The following GON4L variants were observed in gnomAD, a reference collection of about 807,000 sequenced individuals.
The protein encoded by GON4L is GON-4-like protein.
A neutral mutation model predicts 211.8 loss-of-function variants in GON4L; 87 were observed. The observed-to-expected ratio is 0.41, with a 90% CI of 0.35 to 0.49. GON4L has a LOEUF of 0.49. Among genes scored for constraint, GON4L ranks in the 20% least tolerant of loss-of-function variants. The pLI, the probability that GON4L is intolerant of heterozygous loss-of-function variation, is 0.15. For missense variants in GON4L, 2,155 were observed against 2,659.5 expected (o/e 0.81, Z 4.17); for synonymous variants, 875 against 962.6 (o/e 0.91, Z 1.68).
chr1:155,748,583 G>C, downstream of GON4L: 1 of 1,613,178 alleles, frequency 6.2e-7, no homozygotes, highest in South Asian at 1.1e-5. Context: ...GTCCTATAAC[G>C]TGTTCTCTTC....
chr1:155,807,730 A>AG (rs1395575383), intron 10 of GON4L, among the ~76,000 whole-genome samples: 51 of 143,896 alleles, frequency 3.5e-4, no homozygotes, highest in African/African-American at 1.2e-3. Context: ...AAAAAAGAAA[A>AG]TCAGAAAGTG....
intron 4 of GON4L, 144 bp downstream of exon 4, chr1:155,822,142 T>C: frequency 2.7e-6 from 2 of 735,558 alleles, no homozygotes; most frequent in Non-Finnish European, 4.9e-6. Flanking sequence ...ATCTTAAATA[T>C]GTAAAAATGT....
chr1:155,766,506 G>T lies in GON4L; in HGVS notation c.2967C>A (p.Pro989=). The change falls in exon 21 of 32, where the codon CCC becomes CCA. Residue 989 remains proline, a synonymous_variant. Coordinates refer to ENST00000368331, the MANE Select transcript of GON4L (RefSeq NM_001282860.2). ...AACGCTTCTGTCTCCAAGCCTTCCTGGGGAAACGGGTGGCAACTGGCTTCA... is the reference window on the plus strand; with the variant it reads ...AACGCTTCTGTCTCCAAGCCTTCCTTGGGAAACGGGTGGCAACTGGCTTCA... The part of the protein sequence containing the change: ...LKLKPVATRF[P]RKAWRQKRSS... 6.2e-7 allele frequency: 1 copy of T among 1,614,104 alleles called. No homozygotes were observed.
At chr1:155,840,544 A>G (rs1429801972) in intron 2 of GON4L, among the ~76,000 whole-genome samples, 6 of 152,158 alleles carry the variant, frequency 3.9e-5, no homozygotes, top group Non-Finnish European at 8.8e-5. Flanking sequence ...TGTGGACTCC[A>G]GCATTACCAC....
intron 2 of GON4L, among the ~76,000 whole-genome samples, chr1:155,827,874 T>G (rs74188952): frequency 6.6e-6 from 1 of 152,030 alleles, no homozygotes; most frequent in Non-Finnish European, 1.5e-5. Context: ...CTAGGCCAGG[T>G]GGCTCACACC....
Position 155,776,519 on chromosome 1 carries a change from C to T in GON4L, c.2092-38G>A, listed in dbSNP as rs753295937. 9.2e-6 allele frequency: 13 copies of T among 1,410,934 alleles called. No individual in the cohort carries two copies. In the African/African-American group the frequency reaches 1.8e-4, roughly 20 times the overall value. 87.4% of individuals were successfully genotyped at this position (1,410,934 alleles called of 1,614,324 possible). ...AGAAAATGATGAAGTGACATGTTAC[C>T]ACATTGTCATTTCAGGAATCCAGAG... is the stretch of plus-strand genomic sequence containing the variant. On this transcript the variant is annotated intron_variant, in intron 15 of 31. Transcript: ENST00000368331.
downstream of GON4L, chr1:155,748,285 T>G: frequency 1.6e-6 from 2 of 1,249,770 alleles, no homozygotes; most frequent in East Asian, 4.7e-5. Context: ...TTGTCCAGCC[T>G]GGGGTCAAAC....
intron 2 of GON4L, among the ~76,000 whole-genome samples, chr1:155,849,492 C>T (rs1364350632): frequency 6.8e-6 from 1 of 146,018 alleles, no homozygotes; most frequent in African/African-American, 2.6e-5. Context: ...TGCAATGAGC[C>T]GAGATTGTGC....
intron 3 of GON4L, among the ~76,000 whole-genome samples, chr1:155,826,440 C>A (rs1669222723): frequency 6.6e-6 from 1 of 151,880 alleles, no homozygotes; most frequent in African/African-American, 2.4e-5. Flanking sequence ...GTGGCAGGCA[C>A]CTGTAATCCC....
intron 5 of GON4L, among the ~76,000 whole-genome samples, chr1:155,821,153 C>G (rs1668700777): frequency 6.6e-6 from 1 of 152,014 alleles, no homozygotes; most frequent in African/African-American, 2.4e-5. Context: ...GTAGTCCCAG[C>G]TACTCAGGAG....
rs749379493 is a variant in GON4L at position 155,751,791 on chromosome 1, C to A, written c.6552G>T (p.Gln2184His). 1 of 1,613,700 alleles carries A rather than the reference C, an allele frequency of 6.2e-7. No homozygotes were observed. Among genetic ancestry groups the A allele is most frequent in the South Asian group, 1.1e-5 (1 of 91,044 alleles). Reference protein sequence around the residue: ...QPQTFNIISQQLGNKTPAEVS... With the variant: ...QPQTFNIISQHLGNKTPAEVS... ...CCTCAGCAGGGGTCTTATTTCCCAG[C>A]TGCTGGGAGATGATGTTGAAGGTCT... is the stretch of plus-strand genomic sequence containing the variant. Residue 2184 changes from glutamine to histidine, a missense_variant, in exon 31 of 32, where the codon CAG (glutamine) becomes CAT (histidine). By Grantham distance (24) the Gln-to-His change is conservative. Coordinates refer to ENST00000368331, the MANE Select transcript of GON4L (RefSeq NM_001282860.2).
At position 155,765,832 on chromosome 1, in the gene GON4L, T is replaced by G; in HGVS notation, c.3641A>C (p.Asn1214Thr). ...SPLIVSGNSV[N>T]LPIPSTPEDK... ...TTCAGGGGTGGATGGTATAGGAAGA[T>G]TCACAGAATTGCCAGAAACAATTAA... Residue 1214 changes from asparagine to threonine, a missense_variant, in exon 21 of 32, where the codon AAT becomes ACT. Asn to Thr is a moderately conservative substitution (Grantham distance 65, BLOSUM62 0). Around this residue, in one of 6 missense-constraint regions of GON4L, gnomAD observed 615 missense variants for 625.7 expected, o/e 0.98. Coordinates refer to ENST00000368331, the MANE Select transcript of GON4L (RefSeq NM_001282860.2). 3 of 1,614,134 alleles carry G rather than the reference T, an allele frequency of 1.9e-6. No individual in the cohort carries two copies. Among genetic ancestry groups the G allele is most frequent in the Middle Eastern group, 1.6e-4 (1 of 6,062 alleles).
chr1:155,842,392 C>T (rs1359945005), intron 2 of GON4L, among the ~76,000 whole-genome samples: 1 of 151,822 alleles, frequency 6.6e-6, no homozygotes, highest in African/African-American at 2.4e-5. Context: ...GGCATGGTGG[C>T]AGGCACCTGT....
chr1:155,795,647 T>C (rs1190551849), intron 11 of GON4L, among the ~76,000 whole-genome samples: 1 of 151,908 alleles, frequency 6.6e-6, no homozygotes, highest in Non-Finnish European at 1.5e-5. Context: ...ATTTTCTTTT[T>C]CCTTTTTTTT....
chr1:155,848,058 T>G (rs1671423252), intron 2 of GON4L, among the ~76,000 whole-genome samples: 1 of 150,828 alleles, frequency 6.6e-6, no homozygotes, highest in Non-Finnish European at 1.5e-5. Flanking sequence ...ATGAATAACC[T>G]GCCCTTATTT....
chr1:155,845,487 T>G (rs755594732), intron 2 of GON4L: 3 of 350,022 alleles, frequency 8.6e-6, no homozygotes, highest in African/African-American at 2.1e-5. Context: ...ATTCTTCATG[T>G]GCTTTTGCGG....
At chr1:155,792,193 A>C (rs1333102810) in intron 12 of GON4L, among the ~76,000 whole-genome samples, 2 of 152,170 alleles carry the variant, frequency 1.3e-5, no homozygotes, top group African/African-American at 4.8e-5. Context: ...GCGGGCAAAA[A>C]ACATGTGACC....
At chr1:155,780,864 A>T (rs1274046166) in intron 14 of GON4L, among the ~76,000 whole-genome samples, 3 of 152,162 alleles carry the variant, frequency 2.0e-5, no homozygotes, top group Non-Finnish European at 4.4e-5. Context: ...TATTACAGCA[A>T]TAGATAAATA....
chr1:155,805,128 C>G lies in GON4L; in HGVS notation c.1466G>C (p.Ser489Thr), dbSNP rs770150867. ...AGAACGCGTTCGAAATGCAATGAGACTGTCATCCATGGGCTGGACAATGGA... is the reference window on the plus strand; with the variant it reads ...AGAACGCGTTCGAAATGCAATGAGAGTGTCATCCATGGGCTGGACAATGGA... The part of the protein sequence containing the change: ...CMDSFQPMDD[S>T]LIAFRTRSKM... Residue 489 changes from serine (S) to threonine (T), a missense_variant, in exon 11 of 32, where the codon AGT becomes ACT. Ser to Thr is a moderately conservative substitution (Grantham distance 58, BLOSUM62 1). Coordinates refer to ENST00000368331, the MANE Select transcript of GON4L (RefSeq NM_001282860.2). 4 of 1,612,932 alleles carry G rather than the reference C, an allele frequency of 2.5e-6. No individual in the cohort carries two copies. The highest frequency in any genetic ancestry group is 1.3e-5 in the African/African-American group (1 of 75,034).
Sources: gnomAD v4.1 joint callset for allele counts (sites outside exome capture counted in the v4.1 genomes callset) on GRCh38, gnomAD v4.1.1 for gene constraint, gnomAD v4.1.1 regional missense constraint, MANE v1.5 for transcripts, NCBI Gene and HGNC (gene_info 2026-07-23, HGNC 2026-07-21) for gene names.